Variants in EXOC2 observed in about 807,000 individuals in gnomAD.
EXOC2 encodes exocyst complex component 2, also known as SEC5-like 1.
In EXOC2, 70 loss-of-function variants were observed where a neutral mutation model predicts 131.8. The ratio of observed to expected loss-of-function variants is 0.53; its 90% CI spans 0.44 to 0.65. EXOC2 has a LOEUF of 0.65. EXOC2 is among the 30% of genes least tolerant of loss of function. The pLI, the probability that EXOC2 is intolerant of heterozygous loss-of-function variation, is 0.00. For synonymous variants in EXOC2, 411 were observed against 398.4 expected (o/e 1.03, Z -0.38); for missense variants, 923 against 1,108.6 (o/e 0.83, Z 2.38).
chr6:662,885 C>T (rs1381724765), intron 1 of EXOC2, among the ~76,000 whole-genome samples: 2 of 151,882 alleles, frequency 1.3e-5, no homozygotes, highest in Non-Finnish European at 2.9e-5. Context: ...GCTGGTTCTA[C>T]AAGGCTGAGG....
At chr6:673,251 CCAAAAAAAAAAAAAAA>C (rs1763954712) in intron 1 of EXOC2, among the ~76,000 whole-genome samples, 1 of 17,226 alleles carries the variant, frequency 5.8e-5, no homozygotes, top group African/African-American at 3.0e-4. Context: ...GACTCCATAG[CCAAAAAAAAAAAAAAA>C]AAAAAAAAAA....
intron 1 of EXOC2, among the ~76,000 whole-genome samples, chr6:646,471 T>A (rs994194150): frequency 1.3e-5 from 2 of 150,786 alleles, no homozygotes; most frequent in African/African-American, 4.9e-5. Flanking sequence ...GAAAGTTTTC[T>A]GTAAGTTTGA....
In EXOC2 at chr6:501,066, C is replaced by G. The variant is rs1029146814; in HGVS notation, c.2381-1366G>C. ...TATAGATATACATATCTATATATAT[C>G]TATATATCTATATATCTATTGGCTC... On this transcript the variant is annotated intron_variant, in intron 23 of 27. Transcript: ENST00000230449. Among the ~76,000 whole-genome samples, 3 of 126,354 alleles carry G rather than the reference C, an allele frequency of 2.4e-5. No individual in the cohort carries two copies. The East Asian group carries it at 6.3e-4, about 27-fold the overall frequency. 82.9% of individuals were successfully genotyped at this position (126,354 alleles called of 152,430 possible). A position where few individuals can be genotyped will look rare whatever the true frequency, so the allele number is the denominator to read the frequency against.
At chr6:583,366 T>C (rs1191948692) in intron 11 of EXOC2, among the ~76,000 whole-genome samples, 1 of 152,226 alleles carries the variant, frequency 6.6e-6, no homozygotes, top group Non-Finnish European at 1.5e-5. Context: ...GCCAGGGCAG[T>C]GGAAAAGAAC....
chr6:510,102 T>C (rs559178713), intron 23 of EXOC2, among the ~76,000 whole-genome samples: 1 of 152,138 alleles, frequency 6.6e-6, no homozygotes, highest in African/African-American at 2.4e-5. Flanking sequence ...TACTGCCTAA[T>C]TAAAAAAAAG....
chr6:601,063 T>G (rs187600749), intron 7 of EXOC2, among the ~76,000 whole-genome samples: 1 of 151,182 alleles, frequency 6.6e-6, no homozygotes, highest in East Asian at 2.0e-4. Context: ...CAAAATGCAT[T>G]TTATGTCTTT....
chr6:628,507 CA>C (rs1333340272), intron 4 of EXOC2, among the ~76,000 whole-genome samples: 1 of 152,092 alleles, frequency 6.6e-6, no homozygotes, highest in Non-Finnish European at 1.5e-5. Context: ...GGGTAAACAC[CA>C]AAACAGAAGT....
At chr6:606,308 C>G (rs1760408790) in intron 7 of EXOC2, among the ~76,000 whole-genome samples, 1 of 152,072 alleles carries the variant, frequency 6.6e-6, no homozygotes. Flanking sequence ...AGGAGATATA[C>G]CTAATGTAAA....
intron 3 of EXOC2, among the ~76,000 whole-genome samples, chr6:630,249 T>A (rs1174713090): frequency 6.7e-6 from 1 of 148,960 alleles, no homozygotes; most frequent in Non-Finnish European, 1.5e-5. Context: ...AGTTTTGCAA[T>A]AACAAACATA....
chr6:498,184 T>C (rs755305741), intron 24 of EXOC2, among the ~76,000 whole-genome samples: 1 of 152,226 alleles, frequency 6.6e-6, no homozygotes, highest in African/African-American at 2.4e-5. Flanking sequence ...CAAACATAAC[T>C]TGAGTGTCCA....
At chr6:581,308 A>AG (rs1357976210) in intron 11 of EXOC2, among the ~76,000 whole-genome samples, 1 of 152,162 alleles carries the variant, frequency 6.6e-6, no homozygotes, top group Non-Finnish European at 1.5e-5. Flanking sequence ...AAAAAAAAAA[A>AG]AAAAGTAACA....
In EXOC2 at chr6:486,651, T is replaced by G; in HGVS notation, c.*20A>C. The G allele has an allele frequency of 6.2e-7, 1 of 1,607,296 alleles. No homozygotes were observed. The highest frequency in any genetic ancestry group is 1.7e-4 in the Middle Eastern group (1 of 6,052). On this transcript the variant is annotated 3_prime_UTR_variant, in exon 28 of 28. Coordinates refer to ENST00000230449, the MANE Select transcript of EXOC2 (RefSeq NM_018303.6). ...CTTATTACGTGTTATTTTCCTGGAC[T>G]TCTTTTATGTGGCAGATATTTATGT... is the stretch of plus-strand genomic sequence containing the variant.
At chr6:684,489 T>A (rs1295725083) in intron 1 of EXOC2, among the ~76,000 whole-genome samples, 2 of 152,202 alleles carry the variant, frequency 1.3e-5, no homozygotes, top group South Asian at 4.1e-4. Flanking sequence ...AAGGCCACAT[T>A]TTCTTACAAT....
At chr6:690,657 C>T (rs1419746855) in intron 1 of EXOC2, among the ~76,000 whole-genome samples, 1 of 152,216 alleles carries the variant, frequency 6.6e-6, no homozygotes, top group Non-Finnish European at 1.5e-5. Context: ...GAGCAGAGAT[C>T]TCGCCACTGT....
intron 1 of EXOC2, among the ~76,000 whole-genome samples, chr6:661,961 G>A (rs747088969): frequency 5.9e-5 from 9 of 152,156 alleles, no homozygotes; most frequent in Non-Finnish European, 1.0e-4. Flanking sequence ...GTGGAAAAAG[G>A]CATTTCATGC....
chr6:574,355 GT>G (rs1758462271), intron 12 of EXOC2, among the ~76,000 whole-genome samples: 1 of 152,200 alleles, frequency 6.6e-6, no homozygotes, highest in Admixed American at 6.5e-5. Context: ...CGTGCAAGTA[GT>G]GGCCTCATCA....
At chr6:637,061 C>A (rs902977620) in intron 2 of EXOC2, among the ~76,000 whole-genome samples, 5 of 152,172 alleles carry the variant, frequency 3.3e-5, no homozygotes, top group African/African-American at 1.2e-4. Flanking sequence ...GGCTACCATG[C>A]AAGCCAACAT....
At chr6:630,781 G>A (rs973579030) in intron 3 of EXOC2, among the ~76,000 whole-genome samples, 4 of 152,182 alleles carry the variant, frequency 2.6e-5, no homozygotes, top group South Asian at 2.1e-4. Flanking sequence ...ATTTTTTTCC[G>A]TATTAGGCTG....
intron 1 of EXOC2, among the ~76,000 whole-genome samples, chr6:654,280 G>C (rs1490867256): frequency 6.6e-6 from 1 of 152,178 alleles, no homozygotes; most frequent in Non-Finnish European, 1.5e-5. Context: ...CATGGATACT[G>C]ATTCTCTAAT....
Sources: gnomAD v4.1 joint callset for allele counts (sites outside exome capture counted in the v4.1 genomes callset) on GRCh38, gnomAD v4.1.1 for gene constraint, MANE v1.5 for transcripts, NCBI Gene and HGNC (gene_info 2026-07-23, HGNC 2026-07-21) for gene names.